Variants in GRM8 observed in about 807,000 individuals in gnomAD.
The protein encoded by GRM8 is metabotropic glutamate receptor 8.
GRM8 carries 47 observed loss-of-function variants against 87.2 expected under a neutral mutation model. That is an observed-to-expected ratio of 0.54 (90% confidence interval 0.43 to 0.69). The LOEUF is 0.69. Ranked by LOEUF, GRM8 falls within the 30% of genes least tolerant of loss-of-function variation. GRM8 has a pLI of 0.00. For synonymous variants in GRM8, 396 were observed against 404.5 expected, an observed-to-expected ratio of 0.98 and a Z score of 0.25; for missense variants, 1,019 against 1,139.2, an observed-to-expected ratio of 0.89 and a Z score of 1.52.
chr7:126,471,718 T>C (rs957013028), intron 9 of GRM8, among the ~76,000 whole-genome samples: 19 of 152,066 alleles, frequency 1.2e-4, no homozygotes, highest in African/African-American at 3.9e-4. Flanking sequence ...TTTCTTCCAA[T>C]TCTGTGAAGA....
At chr7:127,018,660 C>T (rs1215419082) in intron 3 of GRM8, among the ~76,000 whole-genome samples, 1 of 151,854 alleles carries the variant, frequency 6.6e-6, no homozygotes, top group Non-Finnish European at 1.5e-5. Context: ...CAACTCAGAC[C>T]AAAAAGTCAT....
At chr7:126,693,472 G>T (rs1809034549) in intron 7 of GRM8, among the ~76,000 whole-genome samples, 1 of 152,090 alleles carries the variant, frequency 6.6e-6, no homozygotes, top group Admixed American at 6.5e-5. Flanking sequence ...CAGCATGTAG[G>T]TGCTTTGCAG....
intron 3 of GRM8, among the ~76,000 whole-genome samples, chr7:127,054,391 A>G (rs1276152415): frequency 1.3e-5 from 2 of 152,218 alleles, no homozygotes; most frequent in South Asian, 2.1e-4. Flanking sequence ...TATTTGTGGT[A>G]CCTATTTTAT....
At chr7:127,230,673 G>A (rs1007457962) in intron 2 of GRM8, among the ~76,000 whole-genome samples, 3 of 152,150 alleles carry the variant, frequency 2.0e-5, no homozygotes, top group African/African-American at 7.2e-5. Flanking sequence ...TACAAGGAGA[G>A]ACAGGAGAGA....
At chr7:127,045,077 T>C (rs1818801008) in intron 3 of GRM8, among the ~76,000 whole-genome samples, 1 of 152,228 alleles carries the variant, frequency 6.6e-6, no homozygotes, top group Admixed American at 6.5e-5. Context: ...ACCATATTTA[T>C]ATGTGCCTAT....
At chr7:126,601,290 C>T (rs1056593839) in intron 8 of GRM8, among the ~76,000 whole-genome samples, 2 of 152,012 alleles carry the variant, frequency 1.3e-5, no homozygotes, top group Non-Finnish European at 1.5e-5. Flanking sequence ...CATAGTATTC[C>T]GTGGTGTATA....
chr7:126,742,989 T>C lies in GRM8; in HGVS notation c.1357+26876A>G, dbSNP rs192399624. On this transcript the variant is annotated intron_variant, in intron 7 of 10. Transcript: ENST00000339582. ...AGAGGCTGACCCGCTGTCTGGCATA[T>C]TGTAGGTATTCAACACAAATTTGTT... Among the ~76,000 whole-genome samples the C allele has an allele frequency of 2.5e-3, 373 of 152,186 alleles. 1 individual carries two copies. Among genetic ancestry groups the C allele is most frequent in the African/African-American group, 8.2e-3 (342 of 41,542 alleles).
intron 7 of GRM8, among the ~76,000 whole-genome samples, chr7:126,635,937 C>T (rs1801808284): frequency 6.6e-6 from 1 of 152,066 alleles, no homozygotes; most frequent in Admixed American, 6.6e-5. Context: ...ACCACTAAAA[C>T]CACAAACATT....
At chr7:126,759,496 A>G (rs1381796238) in intron 7 of GRM8, among the ~76,000 whole-genome samples, 1 of 152,168 alleles carries the variant, frequency 6.6e-6, no homozygotes, top group African/African-American at 2.4e-5. Context: ...TCTCAGCAGT[A>G]AAGTACTTTC....
At chr7:126,787,479 T>C (rs1820740140) in intron 6 of GRM8, among the ~76,000 whole-genome samples, 1 of 152,214 alleles carries the variant, frequency 6.6e-6, no homozygotes, top group Non-Finnish European at 1.5e-5. Context: ...AACAACTTGC[T>C]ATGTATTACT....
chr7:126,796,630 A>C (rs1821980575), intron 6 of GRM8, among the ~76,000 whole-genome samples: 2 of 152,034 alleles, frequency 1.3e-5, no homozygotes, highest in Admixed American at 1.3e-4. Context: ...ACTAAGCACA[A>C]GATGCCACCT....
chr7:127,056,121 ATTAAT>A (rs1819959914), intron 3 of GRM8, among the ~76,000 whole-genome samples: 1 of 150,640 alleles, frequency 6.6e-6, no homozygotes, highest in East Asian at 2.0e-4. Context: ...ATTAGGTTTC[ATTAAT>A]TTAAGTTATT....
At position 127,106,515 on chromosome 7, in the gene GRM8, G is replaced by A. The variant is rs755380559; in HGVS notation, c.708C>T (p.Thr236=). The change falls in exon 3 of 11, where the codon ACC becomes ACT. Residue 236 remains threonine (T), a synonymous_variant. Transcript: ENST00000339582. ...GCTTACCAATCTCCCTCGAGATCTG[G>A]GTGAAGGCCTCCACACCGCTCTCAC... ...NYGESGVEAF[T]QISREIGGVC... 11 of 1,613,348 alleles carry A rather than the reference G, an allele frequency of 6.8e-6. No homozygotes were observed. Among genetic ancestry groups the A allele is most frequent in the Non-Finnish European group, 8.5e-6 (10 of 1,179,388 alleles).
intron 3 of GRM8, among the ~76,000 whole-genome samples, chr7:127,060,734 T>C (rs1820523555): frequency 1.3e-5 from 2 of 152,132 alleles, no homozygotes; most frequent in Admixed American, 1.3e-4. Flanking sequence ...GAGAAATTCC[T>C]AGTTTTTGCA....
intron 7 of GRM8, among the ~76,000 whole-genome samples, chr7:126,696,288 G>A (rs577785250): frequency 1.3e-4 from 20 of 152,134 alleles, no homozygotes; most frequent in Non-Finnish European, 2.4e-4. Flanking sequence ...ACAGGTAAAC[G>A]TCTGTCATGG....
Position 126,769,997 on chromosome 7 carries a change from C to T in GRM8, c.1225G>A (p.Val409Ile). The T allele has an allele frequency of 6.2e-7, 1 of 1,612,158 alleles. No individual in the cohort carries two copies. Residue 409 changes from valine (V) to isoleucine (I), a missense_variant, in exon 7 of 11, where the codon GTA becomes ATA. Val to Ile is a conservative substitution (Grantham distance 29, BLOSUM62 3). Coordinates refer to ENST00000339582, the MANE Select transcript of GRM8 (RefSeq NM_000845.3). ...TGCAGGGCGTAAGCCATGGAATATACAGCATCAATTACAAATTGGACCTTT... is the reference window on the plus strand; with the variant it reads ...TGCAGGGCGTAAGCCATGGAATATATAGCATCAATTACAAATTGGACCTTT... Reference protein sequence around the residue: ...EGKVQFVIDAVYSMAYALHNM... With the variant: ...EGKVQFVIDAIYSMAYALHNM...
Position 127,015,231 on chromosome 7 carries a change from AG to A in GRM8, c.727+91264del, listed in dbSNP as rs879376885. 2.4e-3 allele frequency among the ~76,000 whole-genome samples: 341 copies of A among 139,350 alleles called. 6 individuals are homozygous for A. Among genetic ancestry groups the A allele is most frequent in the Admixed American group, 0.01 (135 of 13,480 alleles). The allele number at this position is 139,350 out of a possible 152,430, so 91.4% of individuals were successfully genotyped here. On this transcript the variant is annotated intron_variant, in intron 3 of 10. Transcript: ENST00000339582. ...AAGAAGAAGAAGAAGAAGAAGAAGA[AG>A]AAGAAGAAGAAGAAGAAGAAGAAGA... is the stretch of plus-strand genomic sequence containing the variant.
intron 6 of GRM8, among the ~76,000 whole-genome samples, chr7:126,883,449 G>A (rs1800200597): frequency 1.3e-5 from 2 of 152,062 alleles, no homozygotes. Context: ...TTCTCATTCT[G>A]GTTCTTTTCT....
chr7:127,180,416 C>T lies in GRM8; in HGVS notation c.510+62279G>A, dbSNP rs180803393. On this transcript the variant is annotated intron_variant, in intron 2 of 10. Coordinates refer to ENST00000339582, the MANE Select transcript of GRM8 (RefSeq NM_000845.3). ...GGATTCACAGCAGAATTCTACCAGA[C>T]ATCCAAAAAAGAATTGTTACCAATC... 1.4e-4 allele frequency among the ~76,000 whole-genome samples: 22 copies of T among 152,076 alleles called. No homozygotes were observed. The East Asian group carries it at 4.1e-3, about 28-fold the overall frequency.
Sources: gnomAD v4.1 joint callset for allele counts (sites outside exome capture counted in the v4.1 genomes callset) on GRCh38, gnomAD v4.1.1 for gene constraint, MANE v1.5 for transcripts, NCBI Gene and HGNC (gene_info 2026-07-23, HGNC 2026-07-21) for gene names.